Variants in IGSF3 observed in about 807,000 individuals in gnomAD.
The protein encoded by IGSF3 is immunoglobulin superfamily member 3.
IGSF3 carries 23 observed loss-of-function variants against 114.4 expected under a neutral mutation model. The ratio of observed to expected loss-of-function variants is 0.20; its 90% CI spans 0.14 to 0.28. The LOEUF is 0.28. IGSF3 is among the 10% of genes least tolerant of loss of function. The pLI is 1.00. For missense variants in IGSF3, 1,172 were observed against 1,591.5 expected (o/e 0.74, Z 4.48); for synonymous variants, 571 against 645.2 (o/e 0.88, Z 1.74).
chr1:116,607,805 T>G lies in IGSF3; in HGVS notation c.1222+137A>C. The G allele has an allele frequency of 2.4e-6, 2 of 840,426 alleles. No individual in the cohort carries two copies. Among genetic ancestry groups the G allele is most frequent in the Non-Finnish European group, 1.9e-6 (1 of 521,456 alleles). The allele number at this position is 840,426 out of a possible 1,614,324, so 52.1% of individuals were successfully genotyped here. ...ACAACAGGGAAGAGAGGCTCAATGG[T>G]TTTTCCCCCAGCTCTGCATTAACCT... is the stretch of plus-strand genomic sequence containing the variant. On this transcript the variant is annotated intron_variant, in intron 5 of 10. Coordinates refer to ENST00000369486, the MANE Select transcript of IGSF3 (RefSeq NM_001007237.3). The surrounding 1 kb of genome is among the most constrained non-coding windows in gnomAD (Gnocchi z 6.1).
chr1:116,599,770 A>G (rs1178584374), intron 7 of IGSF3, among the ~76,000 whole-genome samples, 171 bp downstream of exon 7: 1 of 152,324 alleles, frequency 6.6e-6, no homozygotes, highest in East Asian at 1.9e-4. Flanking sequence ...AGGAAAGGAA[A>G]TACAAGTGTC....
chr1:116,589,222 T>C lies in IGSF3; in HGVS notation c.2030-118A>G. 1 of 799,332 alleles carries C rather than the reference T, an allele frequency of 1.3e-6. No individual in the cohort carries two copies. The highest frequency in any genetic ancestry group is 2.0e-6 in the Non-Finnish European group (1 of 500,648). The allele number at this position is 799,332 out of a possible 1,614,324, so 49.5% of individuals were successfully genotyped here. Reference sequence around the variant, plus strand: ...AGTTCCTGGGGGATTTAACACCGACTGGCTTCAGTGTGAGGAAGGCAGCAC... The same window carrying C: ...AGTTCCTGGGGGATTTAACACCGACCGGCTTCAGTGTGAGGAAGGCAGCAC... On this transcript the variant is annotated intron_variant, in intron 7 of 10. Coordinates refer to ENST00000369486, the MANE Select transcript of IGSF3 (RefSeq NM_001007237.3). The surrounding 1 kb of genome is among the most constrained non-coding windows in gnomAD (Gnocchi z 5.7).
chr1:116,653,610 G>T (rs900275772), intron 2 of IGSF3, among the ~76,000 whole-genome samples: 2 of 152,208 alleles, frequency 1.3e-5, no homozygotes, highest in Non-Finnish European at 2.9e-5. Flanking sequence ...CTCATCTCCT[G>T]TTAGGGGCAT....
At chr1:116,578,075 C>T (rs1409045205) in intron 10 of IGSF3, among the ~76,000 whole-genome samples, 1 of 152,210 alleles carries the variant, frequency 6.6e-6, no homozygotes, top group Non-Finnish European at 1.5e-5. Context: ...GGACCACTTA[C>T]AAACGTCCAC....
chr1:116,602,789 C>T (rs1018918597), intron 6 of IGSF3, among the ~76,000 whole-genome samples: 4 of 152,182 alleles, frequency 2.6e-5, no homozygotes, highest in African/African-American at 9.7e-5. Flanking sequence ...GTTTCTTTCC[C>T]AGCAAAGTCA....
At chr1:116,631,196 T>C (rs1347329832) in intron 2 of IGSF3, among the ~76,000 whole-genome samples, 26 of 146,084 alleles carry the variant, frequency 1.8e-4, no homozygotes, top group Non-Finnish European at 3.5e-4. Flanking sequence ...CGGGCTCCTG[T>C]AGTCCCAGCT....
chr1:116,624,600 G>A lies in IGSF3; in HGVS notation c.44-8143C>T, dbSNP rs1174044959. On this transcript the variant is annotated intron_variant, in intron 2 of 10. Transcript: ENST00000369486. The surrounding 1 kb of genome is among the most constrained non-coding windows in gnomAD (Gnocchi z 4.9). ...CAGGTTGTATTCTCCAGACACAGCA[G>A]TAACAATATCTCCTTCCCACATGCT... 6.6e-6 allele frequency among the ~76,000 whole-genome samples: 1 copy of A among 152,200 alleles called. No homozygotes were observed. The highest frequency in any genetic ancestry group is 2.4e-5 in the African/African-American group (1 of 41,448).
At chr1:116,630,101 G>C (rs547514895) in intron 2 of IGSF3, among the ~76,000 whole-genome samples, 7 of 152,326 alleles carry the variant, frequency 4.6e-5, no homozygotes, top group Non-Finnish European at 1.0e-4. Context: ...TGAAGGCAAG[G>C]GTCCTGGAGG....
chr1:116,606,349 C>T, intron 5 of IGSF3: 1 of 1,011,082 alleles, frequency 9.9e-7, no homozygotes, highest in Non-Finnish European at 1.5e-6. Context: ...ATATTGGCCT[C>T]TACGAGGATT....
Position 116,656,339 on chromosome 1 carries a change from T to C in IGSF3, c.43+9945A>G, listed in dbSNP as rs1262712916. Among the ~76,000 whole-genome samples the C allele has an allele frequency of 1.8e-4, 24 of 136,508 alleles. No individual in the cohort carries two copies. In the East Asian group the frequency reaches 3.5e-3, roughly 20 times the overall value. The allele number at this position is 136,508 out of a possible 152,430, so 89.6% of individuals were successfully genotyped here. On this transcript the variant is annotated intron_variant, in intron 2 of 10. Coordinates refer to ENST00000369486, the MANE Select transcript of IGSF3 (RefSeq NM_001007237.3). The stretch of plus-strand genomic sequence containing the variant: ...TTTTTTTGACGGAGTCTCACTCTGT[T>C]GCCCAGGCTGGAGTGCAGTGGCGCA...
rs1294683761 is a variant in IGSF3 at position 116,592,671 on chromosome 1, C to T, written c.2030-3567G>A. The stretch of plus-strand genomic sequence containing the variant: ...TTCCACTCTGTGCGTGCTCTTCTCA[C>T]TCAAAACTCATTTATTTCTTCAATA... On this transcript the variant is annotated intron_variant, in intron 7 of 10. Transcript: ENST00000369486. This position sits in a 1 kb window ranked among gnomAD's most constrained non-coding sequence, Gnocchi z 4.5. Among the ~76,000 whole-genome samples the T allele has an allele frequency of 6.6e-6, 1 of 152,194 alleles. No homozygotes were observed. The highest frequency in any genetic ancestry group is 1.9e-4 in the East Asian group (1 of 5,192).
Position 116,642,493 on chromosome 1 carries a change from T to C in IGSF3, c.43+23791A>G, listed in dbSNP as rs1034017581. Among the ~76,000 whole-genome samples the C allele has an allele frequency of 6.6e-6, 1 of 152,082 alleles. No individual in the cohort carries two copies. Among genetic ancestry groups the C allele is most frequent in the East Asian group, 1.9e-4 (1 of 5,186 alleles). On this transcript the variant is annotated intron_variant, in intron 2 of 10. Coordinates refer to ENST00000369486, the MANE Select transcript of IGSF3 (RefSeq NM_001007237.3). The surrounding 1 kb of genome is among the most constrained non-coding windows in gnomAD (Gnocchi z 5.4). ...GTCAGGGCTCCCAGAATGTAAAAGA[T>C]ACACATGAAAGAAACAAACAGTGGG...
At position 116,579,209 on chromosome 1, in the gene IGSF3, T is replaced by C. The variant is rs531050467; in HGVS notation, c.3334+183A>G. ...TTTAATTTCTATCCCTATTTTTGCA[T>C]GGGTAATCAAGGGTCAATTATATGA... is the stretch of plus-strand genomic sequence containing the variant. On this transcript the variant is annotated intron_variant, in intron 10 of 10. Transcript: ENST00000369486. The surrounding 1 kb of genome is among the most constrained non-coding windows in gnomAD (Gnocchi z 6.4). 1.3e-5 allele frequency among the ~76,000 whole-genome samples: 2 copies of C among 152,344 alleles called. No individual in the cohort carries two copies. Among genetic ancestry groups the C allele is most frequent in the Admixed American group, 6.5e-5 (1 of 15,308 alleles).
chr1:116,658,979 G>A (rs1445226779), intron 2 of IGSF3, among the ~76,000 whole-genome samples: 1 of 152,212 alleles, frequency 6.6e-6, no homozygotes, highest in East Asian at 1.9e-4. Context: ...GGGGTCTTCT[G>A]GTGAATTTAA....
rs1453639711 is a variant in IGSF3, at chr1:116,577,333, G to C, written c.3564C>G (p.Ile1188Met). Reference protein sequence around the residue: ...PTCLEPPVLSIHPGAID With the variant: ...PTCLEPPVLSMHPGAID Reference sequence around the variant, plus strand: ...CCGCTTAGTCTATGGCCCCTGGATGGATACTGAGAACAGGGGGCTCCAGGC... The same window carrying C: ...CCGCTTAGTCTATGGCCCCTGGATGCATACTGAGAACAGGGGGCTCCAGGC... The change falls in exon 11 of 11, where the codon ATC becomes ATG. Residue 1188 changes from isoleucine to methionine, a missense_variant. By Grantham distance (10) the Ile-to-Met change is conservative. Coordinates refer to ENST00000369486, the MANE Select transcript of IGSF3 (RefSeq NM_001007237.3). The surrounding 1 kb of genome is among the most constrained non-coding windows in gnomAD (Gnocchi z 5.7). 6.2e-7 allele frequency: 1 copy of C among 1,614,052 alleles called. No homozygotes were observed. The highest frequency in any genetic ancestry group is 1.7e-5 in the Admixed American group (1 of 60,024).
In IGSF3 at chr1:116,649,025, A is replaced by G. The variant is rs1339404848; in HGVS notation, c.43+17259T>C. Among the ~76,000 whole-genome samples, 1 of 152,206 alleles carries G rather than the reference A, an allele frequency of 6.6e-6. No individual in the cohort carries two copies. The highest frequency in any genetic ancestry group is 6.5e-5 in the Admixed American group (1 of 15,282). On this transcript the variant is annotated intron_variant, in intron 2 of 10. Transcript: ENST00000369486. The surrounding 1 kb of genome is among the most constrained non-coding windows in gnomAD (Gnocchi z 4.5). ...AAATCAAGTCAGGAGAAGGTAGACA[A>G]CTGTACCATGAAGACCACATACCAC...
In IGSF3 at chr1:116,576,053, A is replaced by C. The variant is rs1406151459; in HGVS notation, c.*1259T>G. 6.6e-6 allele frequency: 1 copy of C among 152,228 alleles called. No individual in the cohort carries two copies. Among genetic ancestry groups the C allele is most frequent in the African/African-American group, 2.4e-5 (1 of 41,446 alleles). The allele number at this position is 152,228 out of a possible 1,614,324, so 9.4% of individuals were successfully genotyped here. On this transcript the variant is annotated 3_prime_UTR_variant, in exon 11 of 11. Coordinates refer to ENST00000369486, the MANE Select transcript of IGSF3 (RefSeq NM_001007237.3). This position sits in a 1 kb window ranked among gnomAD's most constrained non-coding sequence, Gnocchi z 4.6. ...TATGGCAGTGAGAGGCAGGGAGAGA[A>C]AAATGAATAAGGAAGACATCACTAT...
rs1660820416 is a variant in IGSF3 at position 116,607,120 on chromosome 1, T to C, written c.1222+822A>G. Among the ~76,000 whole-genome samples, 5 of 152,228 alleles carry C rather than the reference T, an allele frequency of 3.3e-5. No homozygotes were observed. Among genetic ancestry groups the C allele is most frequent in the Admixed American group, 3.3e-4 (5 of 15,286 alleles). Reference sequence around the variant, plus strand: ...CTGAGACAAGGTTAAAGGTTAGTCTTAAAACTTTACCACTTGTTTAAAATC... The same window carrying C: ...CTGAGACAAGGTTAAAGGTTAGTCTCAAAACTTTACCACTTGTTTAAAATC... On this transcript the variant is annotated intron_variant, in intron 5 of 10. Transcript: ENST00000369486. The surrounding 1 kb of genome is among the most constrained non-coding windows in gnomAD (Gnocchi z 6.1).
chr1:116,620,067 C>T (rs930552365), intron 2 of IGSF3, among the ~76,000 whole-genome samples: 3 of 152,258 alleles, frequency 2.0e-5, no homozygotes, highest in African/African-American at 7.2e-5. Flanking sequence ...AAATTCACTA[C>T]TGTAGTATTT....
Sources: gnomAD v4.1 joint callset for allele counts (sites outside exome capture counted in the v4.1 genomes callset) on GRCh38, gnomAD v4.1.1 for gene constraint, Gnocchi (gnomAD v3.1) non-coding constraint, MANE v1.5 for transcripts, NCBI Gene and HGNC (gene_info 2026-07-23, HGNC 2026-07-21) for gene names.